The following UMPS variants were observed in gnomAD, a reference collection of about 807,000 sequenced individuals.
The protein encoded by UMPS is uridine 5'-monophosphate synthase.
In UMPS, 21 loss-of-function variants were observed where a neutral mutation model predicts 38.9. The observed-to-expected ratio is 0.54, with a 90% CI of 0.38 to 0.78. UMPS has a LOEUF of 0.78. UMPS is among the 30% of genes least tolerant of loss of function. The probability of loss-of-function intolerance (pLI) is 0.00; values close to 1 mark genes in which losing one functional copy is unlikely to be tolerated. For synonymous variants in UMPS, 208 were observed against 219.3 expected (o/e 0.95, Z 0.45); for missense variants, 533 against 591.6 (o/e 0.90, Z 1.03).
intron 2 of UMPS, 136 bp downstream of exon 2, chr3:124,735,382 A>G (rs2063510835): frequency 1.2e-6 from 1 of 830,664 alleles, no homozygotes; most frequent in Admixed American, 2.6e-5. Flanking sequence ...TAGAATTTAT[A>G]ATTGTTACTA....
In UMPS at chr3:124,747,494, C is replaced by T. The variant is rs772660348; in HGVS notation, c.*3410C>T. 1 of 454,166 alleles carries T rather than the reference C, an allele frequency of 2.2e-6. No homozygotes were observed. The highest frequency in any genetic ancestry group is 1.6e-5 in the South Asian group (1 of 64,480). 28.1% of individuals were successfully genotyped at this position (454,166 alleles called of 1,614,324 possible). On this transcript the variant is annotated 3_prime_UTR_variant, in exon 6 of 6. Coordinates refer to ENST00000232607, the MANE Select transcript of UMPS (RefSeq NM_000373.4). Reference sequence around the variant, plus strand: ...GCTCACCCCTCTCTGGCTTCTGCCACCACATGGGAAGAATATGCCCTGGTT... The same window carrying T: ...GCTCACCCCTCTCTGGCTTCTGCCATCACATGGGAAGAATATGCCCTGGTT...
rs148772995 is a variant in UMPS, at chr3:124,746,440, T to C, written c.*2356T>C. 60 of 454,166 alleles carry C rather than the reference T, an allele frequency of 1.3e-4. 1 individual carries two copies. In the East Asian group the frequency reaches 4.0e-3, roughly 30 times the overall value. 28.1% of individuals were successfully genotyped at this position (454,166 alleles called of 1,614,324 possible). On this transcript the variant is annotated 3_prime_UTR_variant, in exon 6 of 6. Transcript: ENST00000232607. ...AGCCCAGTACTGCAGGCCTCTTACC[T>C]AAGCAGAATCCCAGTCTGGCATCAA...
intron 1 of UMPS, among the ~76,000 whole-genome samples, chr3:124,734,185 T>A (rs34062648): frequency 6.6e-6 from 1 of 151,890 alleles, no homozygotes. Flanking sequence ...TTTTTGTTTG[T>A]TTTTTTACTC....
In UMPS at chr3:124,741,213, G is replaced by A. The variant is rs575673013; in HGVS notation, c.1159-939G>A. 3.9e-5 allele frequency among the ~76,000 whole-genome samples: 6 copies of A among 152,286 alleles called. No homozygotes were observed. The South Asian group carries it at 1.0e-3, about 26-fold the overall frequency. ...AATATTTGGCATTCTGGGAGTCTGG[G>A]TCTGGCTCAAGGACAAGACATGACT... On this transcript the variant is annotated intron_variant, in intron 4 of 5. Coordinates refer to ENST00000232607, the MANE Select transcript of UMPS (RefSeq NM_000373.4).
Position 124,740,058 on chromosome 3 carries a change from A to C in UMPS, c.1017A>C (p.Leu339=). The change falls in exon 4 of 6, where the codon CTA becomes CTC. Residue 339 remains leucine, a synonymous_variant. Transcript: ENST00000232607. Reference sequence around the variant, plus strand: ...TTAAAATAGCTTCCTGGGCAGATCTAGTAAATGCTCACGTGGTGCCAGGCT... The same window carrying C: ...TTAAAATAGCTTCCTGGGCAGATCTCGTAAATGCTCACGTGGTGCCAGGCT... ...GIFKIASWAD[L]VNAHVVPGSG... The C allele has an allele frequency of 6.2e-7, 1 of 1,614,162 alleles. No homozygotes were observed. Among genetic ancestry groups the C allele is most frequent in the Non-Finnish European group, 8.5e-7 (1 of 1,180,042 alleles).
intron 3 of UMPS, among the ~76,000 whole-genome samples, chr3:124,739,190 C>A (rs184330258): frequency 6.6e-6 from 1 of 152,200 alleles, no homozygotes; most frequent in East Asian, 1.9e-4. Flanking sequence ...TGTTACTGTC[C>A]GCTTTTAAAA....
chr3:124,743,191 G>A (rs1048625729), intron 5 of UMPS, among the ~76,000 whole-genome samples: 1 of 152,050 alleles, frequency 6.6e-6, no homozygotes, highest in East Asian at 1.9e-4. Flanking sequence ...AAAATTAGCC[G>A]GGCGTGGTGG....
At chr3:124,734,439 C>T (rs771595904) in intron 1 of UMPS, among the ~76,000 whole-genome samples, 6 of 152,170 alleles carry the variant, frequency 3.9e-5, no homozygotes, top group Non-Finnish European at 8.8e-5. Flanking sequence ...TTTAGATACT[C>T]AGCCTAATGG....
chr3:124,735,914 T>C (rs1409153701), intron 2 of UMPS, among the ~76,000 whole-genome samples: 1 of 151,598 alleles, frequency 6.6e-6, no homozygotes, highest in Admixed American at 6.6e-5. Context: ...GAGGTGGAGG[T>C]TGCAATGAGC....
At chr3:124,731,619 T>A (rs1298256529) in intron 1 of UMPS, 1 of 272,746 alleles carries the variant, frequency 3.7e-6, no homozygotes, top group East Asian at 1.2e-4. Flanking sequence ...GCACAGGGGC[T>A]CATGCCTGTA....
intron 3 of UMPS, among the ~76,000 whole-genome samples, chr3:124,739,712 C>CA: frequency 6.6e-6 from 1 of 152,160 alleles, no homozygotes. Flanking sequence ...ATAGCATGAG[C>CA]TTTATTTGTG....
In UMPS at chr3:124,744,072, A is replaced by G; in HGVS notation, c.1431A>G (p.Arg477=). The G allele has an allele frequency of 6.2e-7, 1 of 1,614,044 alleles. No individual in the cohort carries two copies. Among genetic ancestry groups the G allele is most frequent in the Non-Finnish European group, 8.5e-7 (1 of 1,179,974 alleles). Residue 477 remains arginine (R), a synonymous_variant, in exon 6 of 6, where the codon AGA becomes AGG. Coordinates refer to ENST00000232607, the MANE Select transcript of UMPS (RefSeq NM_000373.4). Reference sequence around the variant, plus strand: ...CTGCTTGGGAAGCGTATTTGAGTAGACTTGGTGTTTGAGTGCTTCAGATAC... The same window carrying G: ...CTGCTTGGGAAGCGTATTTGAGTAGGCTTGGTGTTTGAGTGCTTCAGATAC... ...RKAAWEAYLS[R]LGV is the part of the protein sequence containing the mutation.
At position 124,748,801 on chromosome 3, in the gene UMPS, C is replaced by T. The variant is rs117624716; in HGVS notation, c.*4717C>T. The T allele has an allele frequency of 0.018, 7,209 of 397,618 alleles. 147 individuals carry two copies. The highest frequency in any genetic ancestry group is 0.06 in the East Asian group (846 of 13,992). 24.6% of individuals were successfully genotyped at this position (397,618 alleles called of 1,614,324 possible). Reference sequence around the variant, plus strand: ...TGTCTGGGACAGAGCCTGAGGTGGCCTGAGCTTCCTGTGGCTCCAGAGTAA... The same window carrying T: ...TGTCTGGGACAGAGCCTGAGGTGGCTTGAGCTTCCTGTGGCTCCAGAGTAA... On this transcript the variant is annotated 3_prime_UTR_variant, in exon 6 of 6. Transcript: ENST00000232607.
intron 2 of UMPS, chr3:124,737,252 T>C: frequency 3.2e-6 from 1 of 308,078 alleles, no homozygotes; most frequent in South Asian, 3.2e-5. Context: ...ATAAAACAGA[T>C]TTTTTTAAAG....
intron 1 of UMPS, chr3:124,733,663 CT>C: frequency 6.0e-6 from 1 of 167,104 alleles, no homozygotes; most frequent in Non-Finnish European, 1.3e-5. Flanking sequence ...TCTTAATGGT[CT>C]TTTCCTTGGG....
rs1247190623 is a variant in UMPS, at chr3:124,747,797, C to A, written c.*3713C>A. On this transcript the variant is annotated 3_prime_UTR_variant, in exon 6 of 6. Transcript: ENST00000232607. The stretch of plus-strand genomic sequence containing the variant: ...CTGCCTTCCCAACCATCACCTCTGG[C>A]TGCATCAGCGATCTCTCCCAGCGAA... 4.4e-6 allele frequency: 2 copies of A among 450,344 alleles called. No individual in the cohort carries two copies. Among genetic ancestry groups the A allele is most frequent in the African/African-American group, 4.0e-5 (2 of 49,932 alleles). 27.9% of individuals were successfully genotyped at this position (450,344 alleles called of 1,614,324 possible).
intron 4 of UMPS, among the ~76,000 whole-genome samples, chr3:124,741,523 T>G (rs991801256): frequency 2.0e-5 from 3 of 152,198 alleles, no homozygotes; most frequent in Admixed American, 2.0e-4. Context: ...TGAGATTTCT[T>G]TAGCTCTTGA....
rs750152544 is a variant in UMPS, at chr3:124,746,976, C to A, written c.*2892C>A. Reference sequence around the variant, plus strand: ...GCTACTGAGTCAGCTCTAAGAAAATCTGCCAAAAGTAGGCCGAGGGCTGGT... The same window carrying A: ...GCTACTGAGTCAGCTCTAAGAAAATATGCCAAAAGTAGGCCGAGGGCTGGT... On this transcript the variant is annotated 3_prime_UTR_variant, in exon 6 of 6. Coordinates refer to ENST00000232607, the MANE Select transcript of UMPS (RefSeq NM_000373.4). 1.3e-5 allele frequency: 6 copies of A among 453,990 alleles called. No individual in the cohort carries two copies. Among genetic ancestry groups the A allele is most frequent in the South Asian group, 6.2e-5 (4 of 64,468 alleles). 28.1% of individuals were successfully genotyped at this position (453,990 alleles called of 1,614,324 possible). A position where few individuals can be genotyped will look rare whatever the true frequency, so the allele number is the denominator to read the frequency against.
intron 1 of UMPS, among the ~76,000 whole-genome samples, chr3:124,734,797 G>T (rs2063506151): frequency 6.6e-6 from 1 of 152,108 alleles, no homozygotes; most frequent in African/African-American, 2.4e-5. Flanking sequence ...GAGGCAGGTG[G>T]ATCACAAGGC....
Sources: gnomAD v4.1 joint callset for allele counts (sites outside exome capture counted in the v4.1 genomes callset) on GRCh38, gnomAD v4.1.1 for gene constraint, MANE v1.5 for transcripts, NCBI Gene and HGNC (gene_info 2026-07-23, HGNC 2026-07-21) for gene names.